NAALADL2: variants seen among roughly 807,000 people sequenced by gnomAD.
NAALADL2 encodes inactive N-acetylated-alpha-linked acidic dipeptidase-like protein 2.
A neutral mutation model predicts 87.2 loss-of-function variants in NAALADL2; 76 were observed. The observed-to-expected ratio is 0.87, with a 90% CI of 0.72 to 1.05. The LOEUF is 1.05. NAALADL2 is among the 50% of genes least tolerant of loss of function. NAALADL2 has a pLI of 0.00. For missense variants in NAALADL2, 1,089 were observed against 945.8 expected, an observed-to-expected ratio of 1.15 and a Z score of -1.99; for synonymous variants, 354 against 331.0, an observed-to-expected ratio of 1.07 and a Z score of -0.75.
intron 5 of NAALADL2, among the ~76,000 whole-genome samples, chr3:175,379,490 A>G (rs1277526131): frequency 6.6e-6 from 1 of 150,768 alleles, no homozygotes; most frequent in African/African-American, 2.4e-5. Context: ...TACGTCTCGT[A>G]TGGTTTCTGG....
At chr3:174,787,544 A>G (rs1255499845) in intron 3 of NAALADL2, among the ~76,000 whole-genome samples, 1 of 109,100 alleles carries the variant, frequency 9.2e-6, no homozygotes, top group African/African-American at 3.3e-5. Flanking sequence ...GTTACTTTTA[A>G]AGTATTTTAA....
intron 1 of NAALADL2, among the ~76,000 whole-genome samples, chr3:174,977,949 T>A (rs1744579598): frequency 6.6e-6 from 1 of 152,226 alleles, no homozygotes; most frequent in African/African-American, 2.4e-5. Context: ...GTTCAAAATG[T>A]TAGATTTCTA....
chr3:174,678,762 C>T (rs907271922), intron 2 of NAALADL2, among the ~76,000 whole-genome samples: 8 of 151,980 alleles, frequency 5.3e-5, no homozygotes, highest in African/African-American at 1.9e-4. Flanking sequence ...TAGATTGTAT[C>T]GATTATTATT....
At chr3:175,273,839 G>A (rs1266728225) in intron 4 of NAALADL2, among the ~76,000 whole-genome samples, 1 of 151,294 alleles carries the variant, frequency 6.6e-6, no homozygotes, top group Non-Finnish European at 1.5e-5. Context: ...TTTGCATTTT[G>A]GTTTATTCAA....
chr3:175,639,168 A>G (rs1728940881), intron 11 of NAALADL2, among the ~76,000 whole-genome samples: 1 of 152,116 alleles, frequency 6.6e-6, no homozygotes, highest in Non-Finnish European at 1.5e-5. Context: ...GCTGGGGTTG[A>G]GAGTCACAGT....
intron 1 of NAALADL2, among the ~76,000 whole-genome samples, chr3:174,526,552 TTGA>T (rs1242692955): frequency 6.6e-6 from 1 of 152,244 alleles, no homozygotes; most frequent in East Asian, 1.9e-4. Flanking sequence ...ATCATGATAA[TTGA>T]TGAATCACTT....
chr3:175,673,883 AATAGAG>A (rs139279820), intron 11 of NAALADL2, among the ~76,000 whole-genome samples: 4,360 of 152,196 alleles, frequency 0.029, 201 homozygotes, highest in African/African-American at 0.1. Flanking sequence ...GCAGGTGGAA[AATAGAG>A]ATAGATAAAT....
intron 1 of NAALADL2, among the ~76,000 whole-genome samples, chr3:175,004,190 A>G (rs1022192701): frequency 6.6e-6 from 1 of 152,116 alleles, no homozygotes; most frequent in African/African-American, 2.4e-5. Flanking sequence ...CCTGGGAAAC[A>G]AAGTGAGATG....
At chr3:175,530,412 A>G (rs950768594) in intron 9 of NAALADL2, among the ~76,000 whole-genome samples, 3 of 152,214 alleles carry the variant, frequency 2.0e-5, no homozygotes, top group African/African-American at 4.8e-5. Flanking sequence ...GTCATCAAGC[A>G]TCTGGCCATT....
chr3:175,752,594 A>T (rs1467548246), intron 12 of NAALADL2, among the ~76,000 whole-genome samples: 2 of 152,154 alleles, frequency 1.3e-5, no homozygotes, highest in African/African-American at 4.8e-5. Context: ...TTCAATTTGT[A>T]ACCTCATACA....
chr3:175,621,547 C>T (rs186481544), intron 10 of NAALADL2, among the ~76,000 whole-genome samples: 45 of 152,268 alleles, frequency 3.0e-4, no homozygotes, highest in Middle Eastern at 3.4e-3. Context: ...AGAAAATTCT[C>T]CATGCGGAAA....
Position 175,627,405 on chromosome 3 carries a change from C to G in NAALADL2, c.1896+19C>G, listed in dbSNP as rs756972959. 2.8e-6 allele frequency: 4 copies of G among 1,425,494 alleles called. No homozygotes were observed. The highest frequency in any genetic ancestry group is 3.8e-6 in the Non-Finnish European group (4 of 1,040,106). The allele number at this position is 1,425,494 out of a possible 1,614,324, so 88.3% of individuals were successfully genotyped here. A position where few individuals can be genotyped will look rare whatever the true frequency, so the allele number is the denominator to read the frequency against. ...TACTAAGGTAGGGGAGAAATGCATT[C>G]AAAAATAGGTGAGAAATATTTGTTC... On this transcript the variant is annotated intron_variant, in intron 11 of 13. Transcript: ENST00000454872.
intron 1 of NAALADL2, among the ~76,000 whole-genome samples, chr3:175,073,054 C>G (rs2109166271): frequency 6.6e-6 from 1 of 152,114 alleles, no homozygotes. Context: ...TGTGCCCATT[C>G]ATACTGTTTA....
intron 2 of NAALADL2, among the ~76,000 whole-genome samples, chr3:174,599,255 T>C (rs1213980593): frequency 2.0e-5 from 3 of 152,104 alleles, no homozygotes; most frequent in Non-Finnish European, 2.9e-5. Context: ...ATAGGTTTAG[T>C]AGAGTGGCTA....
At chr3:175,472,024 T>C (rs73884433) in intron 9 of NAALADL2, among the ~76,000 whole-genome samples, 5,157 of 151,430 alleles carry the variant, frequency 0.034, 276 homozygotes, top group African/African-American at 0.12. Context: ...AAAATATATT[T>C]TTAAAAAATA....
intron 2 of NAALADL2, among the ~76,000 whole-genome samples, chr3:175,160,893 T>A (rs1174746654): frequency 1.3e-5 from 2 of 152,154 alleles, no homozygotes; most frequent in East Asian, 3.9e-4. Flanking sequence ...AAATTAATAT[T>A]TATTTCCAAG....
intron 2 of NAALADL2, among the ~76,000 whole-genome samples, chr3:174,600,357 G>T (rs1718319710): frequency 6.6e-6 from 1 of 151,722 alleles, no homozygotes; most frequent in Non-Finnish European, 1.5e-5. Flanking sequence ...AAGAATAGTT[G>T]GTCAAATACA....
intron 2 of NAALADL2, among the ~76,000 whole-genome samples, chr3:174,594,836 G>T (rs1717718494): frequency 6.6e-6 from 1 of 152,192 alleles, no homozygotes. Flanking sequence ...ATATATCTGA[G>T]TTGAAATCCT....
At chr3:174,705,782 C>CA (rs368457644) in intron 2 of NAALADL2, among the ~76,000 whole-genome samples, 71,829 of 114,378 alleles carry the variant, frequency 0.63, 21,326 homozygotes, top group South Asian at 0.7. Flanking sequence ...GACTCCGTCT[C>CA]AAAAAAAAAA....
Sources: gnomAD v4.1 joint callset for allele counts (sites outside exome capture counted in the v4.1 genomes callset) on GRCh38, gnomAD v4.1.1 for gene constraint, MANE v1.5 for transcripts, NCBI Gene and HGNC (gene_info 2026-07-23, HGNC 2026-07-21) for gene names.